Variants in ZNF177 observed in about 807,000 individuals in gnomAD.
ZNF177 encodes the protein zinc finger protein 177.
ZNF177 carries 17 observed loss-of-function variants against 19.4 expected under a neutral mutation model. That is an observed-to-expected ratio of 0.87 (90% confidence interval 0.60 to 1.31). ZNF177 has a LOEUF of 1.31. Among genes scored for constraint, ZNF177 ranks in the 40% most tolerant of loss-of-function variants. ZNF177 has a pLI of 0.00. For synonymous variants in ZNF177, 220 were observed against 188.7 expected, an observed-to-expected ratio of 1.17 and a Z score of -1.36; for missense variants, 633 against 561.8, an observed-to-expected ratio of 1.13 and a Z score of -1.28.
upstream of ZNF177, among the ~76,000 whole-genome samples, chr19:9,372,333 G>A (rs747126488): frequency 1.3e-5 from 2 of 151,996 alleles, no homozygotes; most frequent in Non-Finnish European, 2.9e-5. Context: ...TACCTGATGG[G>A]TACAGTTCCT....
Position 9,380,112 on chromosome 19 carries a change from G to T in ZNF177, c.309G>T (p.Gly103=), listed in dbSNP as rs765732143. 8 of 1,610,968 alleles carry T rather than the reference G, an allele frequency of 5.0e-6. No individual in the cohort carries two copies. The Admixed American group carries it at 1.0e-4, about 20-fold the overall frequency. ...CAATTGCTATGCAGAACATTCCTGG[G>T]GGAAAAACATCCAATGGCATAAACA... The change falls in exon 5 of 6, where the codon GGG becomes GGT. Residue 103 remains glycine (G), a synonymous_variant. Transcript: ENST00000589262.
chr19:9,376,916 T>A (rs11669550), intron 1 of ZNF177, among the ~76,000 whole-genome samples: 44,936 of 152,076 alleles, frequency 0.3, 8,131 homozygotes, highest in Non-Finnish European at 0.41. Flanking sequence ...TCCTTTCTTT[T>A]AAGCTGAAGA....
exon 3 of ZNF177, chr19:9,379,065 A>G (rs1449496729): frequency 6.2e-7 from 1 of 1,609,270 alleles, no homozygotes; most frequent in Admixed American, 1.7e-5. Context: ...ATGCTGGAGA[A>G]CTTTAGGAAC....
rs968691437 is a variant in ZNF177, at chr19:9,378,949, T to G, written c.34-13T>G. 8 of 1,593,738 alleles carry G rather than the reference T, an allele frequency of 5.0e-6. No individual in the cohort carries two copies. Among genetic ancestry groups the G allele is most frequent in the Admixed American group, 3.4e-5 (2 of 58,996 alleles). ...GTCATTGGCTGAGCCAGAATATGTA[T>G]GTGATGTTTTAGAACTCAGTAACCT... On this transcript the variant is annotated splice_polypyrimidine_tract_variant and intron_variant, in intron 2 of 5. Coordinates refer to ENST00000589262, the Ensembl canonical transcript of ZNF177.
intron 2 of ZNF177, among the ~76,000 whole-genome samples, chr19:9,367,137 G>A (rs905438606): frequency 6.6e-6 from 1 of 152,082 alleles, no homozygotes; most frequent in Non-Finnish European, 1.5e-5. Context: ...TGGCTAACAC[G>A]GTGAAACCCC....
chr19:9,369,727 T>C (rs1185867205), intron 2 of ZNF177, among the ~76,000 whole-genome samples: 2 of 152,130 alleles, frequency 1.3e-5, no homozygotes, highest in Non-Finnish European at 2.9e-5. Flanking sequence ...CTAATTCCAT[T>C]TTCTCTTCTA....
chr19:9,378,026 T>G (rs1350095954), intron 1 of ZNF177, among the ~76,000 whole-genome samples: 1 of 152,212 alleles, frequency 6.6e-6, no homozygotes, highest in Non-Finnish European at 1.5e-5. Flanking sequence ...TCCTGAGCTG[T>G]TAGCAGTCAT....
upstream of ZNF177, among the ~76,000 whole-genome samples, chr19:9,375,179 G>A (rs186524715): frequency 6.6e-6 from 1 of 152,204 alleles, no homozygotes; most frequent in Admixed American, 6.5e-5. Flanking sequence ...GAATTTCTGG[G>A]ATAAATCTCA....
chr19:9,380,972 G>T (rs1388614727), exon 6 of ZNF177: 1 of 1,544,390 alleles, frequency 6.5e-7, no homozygotes. Context: ...ATGTCCTTCA[G>T]CCTACACTCT....
intron 1 of ZNF177, among the ~76,000 whole-genome samples, chr19:9,377,937 C>T (rs1302237292): frequency 6.6e-6 from 1 of 152,144 alleles, no homozygotes; most frequent in African/African-American, 2.4e-5. Context: ...CTAGACTCAG[C>T]TATTTCTCCA....
chr19:9,378,434 A>T lies in ZNF177; in HGVS notation c.33+90A>T, dbSNP rs1051967490. ...CCCCTGACCTGAAGCTTCACAGCCC[A>T]ATCTGAGCTGGCTTCATCTTCCGCA... On this transcript the variant is annotated intron_variant, in intron 2 of 5. Transcript: ENST00000589262. 9 of 1,574,928 alleles carry T rather than the reference A, an allele frequency of 5.7e-6. No individual in the cohort carries two copies. The Admixed American group carries it at 1.6e-4, about 29-fold the overall frequency.
At chr19:9,379,714 G>A in intron 4 of ZNF177, 95 bp downstream of exon 6, 8 of 1,391,278 alleles carry the variant, frequency 5.8e-6, no homozygotes, top group Non-Finnish European at 7.8e-6. Flanking sequence ...CTGAGGCCAT[G>A]ACATGAGCTT....
At chr19:9,381,649 A>C (rs1383713415) in exon 6 of ZNF177, 1 of 1,614,096 alleles carries the variant, frequency 6.2e-7, no homozygotes, top group Admixed American at 1.7e-5. Context: ...CTCTTGCCTG[A>C]GGGTACACGT....
At chr19:9,363,567 T>C (rs979837136) in intron 1 of ZNF177, among the ~76,000 whole-genome samples, 1 of 152,202 alleles carries the variant, frequency 6.6e-6, no homozygotes, top group Non-Finnish European at 1.5e-5. Context: ...TTTTTTCGTA[T>C]TTGTGGACTT....
At chr19:9,379,381 G>A in intron 3 of ZNF177, 146 bp from the exon 6 acceptor site, 2 of 1,232,672 alleles carry the variant, frequency 1.6e-6, no homozygotes, top group Non-Finnish European at 2.2e-6. Context: ...GAAAGAAAGA[G>A]CTCGGCTCTG....
intron 4 of ZNF177, 43 bp from the exon 7 acceptor site, chr19:9,380,014 A>G (rs201890591): frequency 4.1e-5 from 66 of 1,594,444 alleles, no homozygotes; most frequent in South Asian, 3.0e-4. Flanking sequence ...TTTGATCCCA[A>G]CCTTTTCTCC....
intron 2 of ZNF177, among the ~76,000 whole-genome samples, chr19:9,370,550 A>G (rs545746198): frequency 6.6e-6 from 1 of 152,098 alleles, no homozygotes; most frequent in African/African-American, 2.4e-5. Flanking sequence ...AGTAGCTGGG[A>G]CCACAGGCAT....
intron 1 of ZNF177, among the ~76,000 whole-genome samples, chr19:9,377,696 A>G (rs930025333): frequency 1.2e-5 from 1 of 85,846 alleles, no homozygotes; most frequent in African/African-American, 6.2e-5. Flanking sequence ...CTAGATTTTG[A>G]TACATATACA....
chr19:9,371,020 T>TAC (rs1201277648), intron 2 of ZNF177, among the ~76,000 whole-genome samples: 1 of 152,238 alleles, frequency 6.6e-6, no homozygotes, highest in African/African-American at 2.4e-5. Flanking sequence ...TAGCTATCCG[T>TAC]ACATGATTAG....
Sources: allele counts gnomAD v4.1 joint callset (sites outside exome capture counted in the v4.1 genomes callset), GRCh38; gene constraint gnomAD v4.1.1; transcripts MANE v1.5; gene names NCBI Gene and HGNC (gene_info 2026-07-23, HGNC 2026-07-21).